ABR: variants seen among roughly 807,000 people sequenced by gnomAD.
The protein encoded by ABR is ABR activator of RhoGEF and GTPase.
A neutral mutation model predicts 107.2 loss-of-function variants in ABR; 35 were observed. The ratio of observed to expected loss-of-function variants is 0.33; its 90% CI spans 0.25 to 0.43. ABR has a LOEUF of 0.43. Ranked by LOEUF, ABR falls within the 20% of genes least tolerant of loss-of-function variation. The probability of loss-of-function intolerance (pLI) is 1.00; values close to 1 mark genes in which losing one functional copy is unlikely to be tolerated. For missense variants in ABR, 815 were observed against 1,115.2 expected (o/e 0.73, Z 3.83); for synonymous variants, 498 against 462.0 (o/e 1.08, Z -1.00).
chr17:1,211,714 A>G (rs1422361568), intron 1 of ABR, among the ~76,000 whole-genome samples: 1 of 152,216 alleles, frequency 6.6e-6, no homozygotes, highest in Non-Finnish European at 1.5e-5. Context: ...CTGACCCCAG[A>G]ACCTGCATCC....
At position 1,092,769 on chromosome 17, in the gene ABR, C is replaced by A. The variant is rs1458340727; in HGVS notation, c.346-919G>T. Among the ~76,000 whole-genome samples the A allele has an allele frequency of 5.3e-5, 8 of 151,470 alleles. No homozygotes were observed. Among genetic ancestry groups the A allele is most frequent in the African/African-American group, 1.9e-4 (8 of 41,266 alleles). ...CCCTGCAGGACACAGGGCCTGATAA[C>A]CTGCCATACAGGGAAGGTGTGGCAG... On this transcript the variant is annotated intron_variant, in intron 3 of 22. Coordinates refer to ENST00000302538, the MANE Select transcript of ABR (RefSeq NM_021962.5). This position sits in a 1 kb window ranked among gnomAD's most constrained non-coding sequence, Gnocchi z 4.6.
chr17:1,011,720 G>T lies in ABR; in HGVS notation c.2101+126C>A. 1.6e-6 allele frequency: 2 copies of T among 1,225,838 alleles called. No individual in the cohort carries two copies. Among genetic ancestry groups the T allele is most frequent in the Non-Finnish European group, 2.2e-6 (2 of 915,662 alleles). The allele number at this position is 1,225,838 out of a possible 1,614,324, so 75.9% of individuals were successfully genotyped here. On this transcript the variant is annotated intron_variant, in intron 19 of 22. Transcript: ENST00000302538. This position sits in a 1 kb window ranked among gnomAD's most constrained non-coding sequence, Gnocchi z 4.8. The stretch of plus-strand genomic sequence containing the variant: ...GATTACAAGAGAAAGCACTTGCCAC[G>T]GGGACTCTGAAGCAGAGCAAGCCTC...
intron 1 of ABR, among the ~76,000 whole-genome samples, chr17:1,137,502 A>G (rs2040122290): frequency 6.6e-6 from 1 of 152,200 alleles, no homozygotes; most frequent in African/African-American, 2.4e-5. Flanking sequence ...GGTGGGCGGA[A>G]CAGCCAGAAC....
At chr17:1,195,131 C>T (rs1598106172) in intron 1 of ABR, among the ~76,000 whole-genome samples, 1 of 144,184 alleles carries the variant, frequency 6.9e-6, no homozygotes, top group South Asian at 2.4e-4. Context: ...CACGGTGAAA[C>T]CCCGTCTCTA....
At chr17:1,045,672 T>C (rs2151001658) in intron 16 of ABR, among the ~76,000 whole-genome samples, 1 of 152,314 alleles carries the variant, frequency 6.6e-6, no homozygotes, top group African/African-American at 2.4e-5. Context: ...GATGGAAGCA[T>C]TTAGCACCGT....
chr17:1,053,615 A>C (rs2032847028), intron 14 of ABR, among the ~76,000 whole-genome samples: 1 of 152,154 alleles, frequency 6.6e-6, no homozygotes, highest in East Asian at 1.9e-4. Context: ...CCACGGCTGA[A>C]GACACAGGGC....
chr17:1,066,238 T>C (rs2034726174), intron 10 of ABR, among the ~76,000 whole-genome samples: 1 of 152,222 alleles, frequency 6.6e-6, no homozygotes, highest in African/African-American at 2.4e-5. Flanking sequence ...ACATGACTTG[T>C]ATGCTATCAA....
intron 1 of ABR, among the ~76,000 whole-genome samples, chr17:1,216,387 C>T (rs372261145): frequency 9.5e-4 from 144 of 152,286 alleles, no homozygotes; most frequent in African/African-American, 2.7e-3. Flanking sequence ...GCCGCAAACC[C>T]AGCTCCGAGT....
intron 1 of ABR, among the ~76,000 whole-genome samples, chr17:1,216,890 CTG>C (rs1457651859): frequency 6.6e-6 from 1 of 152,198 alleles, no homozygotes; most frequent in East Asian, 1.9e-4. Context: ...GGAAGCCACT[CTG>C]TGCCCTCTGA....
At chr17:1,124,654 GTC>G (rs1451284284) in intron 2 of ABR, among the ~76,000 whole-genome samples, 1 of 152,236 alleles carries the variant, frequency 6.6e-6, no homozygotes. Flanking sequence ...CAGAACTCTT[GTC>G]TCTGTCAACA....
chr17:1,132,218 G>A (rs1457322540), intron 1 of ABR, among the ~76,000 whole-genome samples: 1 of 150,004 alleles, frequency 6.7e-6, no homozygotes, highest in African/African-American at 2.4e-5. Context: ...CACACACAAA[G>A]ACACGCACAC....
chr17:1,049,130 T>G (rs1170700931), intron 16 of ABR, among the ~76,000 whole-genome samples: 5 of 152,136 alleles, frequency 3.3e-5, no homozygotes, highest in Non-Finnish European at 7.4e-5. Context: ...CTTTTCCCTA[T>G]ATATGTTTAT....
At chr17:1,193,805 C>G (rs1005530716) in intron 1 of ABR, among the ~76,000 whole-genome samples, 2 of 152,134 alleles carry the variant, frequency 1.3e-5, no homozygotes. Flanking sequence ...ATTCACCTGC[C>G]TCAGCCTCCT....
chr17:1,125,399 A>G, intron 1 of ABR, 32 bp from the exon 2 acceptor site: 1 of 1,608,230 alleles, frequency 6.2e-7, no homozygotes, highest in Non-Finnish European at 8.5e-7. Flanking sequence ...GCCACTGAGA[A>G]TCCTCCACCA....
intron 2 of ABR, among the ~76,000 whole-genome samples, chr17:1,101,764 C>G (rs867506144): frequency 6.7e-6 from 1 of 150,276 alleles, no homozygotes; most frequent in African/African-American, 2.5e-5. Context: ...GACGGAGTCT[C>G]GCTCTGTCGC....
intron 5 of ABR, among the ~76,000 whole-genome samples, chr17:1,082,824 C>T (rs532388314): frequency 5.6e-4 from 85 of 152,266 alleles, no homozygotes; most frequent in African/African-American, 1.9e-3. Flanking sequence ...TGATTCTTAT[C>T]AAGCAAGGTC....
At chr17:1,046,450 T>C (rs2031633573) in intron 16 of ABR, among the ~76,000 whole-genome samples, 1 of 152,194 alleles carries the variant, frequency 6.6e-6, no homozygotes, top group Non-Finnish European at 1.5e-5. Context: ...TTTGTATTTT[T>C]AGTAGGAAAG....
chr17:1,108,981 T>A (rs1304758998), intron 2 of ABR: 1 of 1,597,408 alleles, frequency 6.3e-7, no homozygotes, highest in Admixed American at 1.7e-5. Flanking sequence ...CTGGTCGGGG[T>A]TCCCAGCTCG....
At chr17:1,012,422 A>G in intron 18 of ABR, 1 of 679,498 alleles carries the variant, frequency 1.5e-6, no homozygotes, top group South Asian at 1.5e-5. Context: ...CCCGGCTGAC[A>G]GAGCTTCCCG....
Sources: gnomAD v4.1 joint callset for allele counts (sites outside exome capture counted in the v4.1 genomes callset) on GRCh38, gnomAD v4.1.1 for gene constraint, Gnocchi (gnomAD v3.1) non-coding constraint, MANE v1.5 for transcripts, NCBI Gene and HGNC (gene_info 2026-07-23, HGNC 2026-07-21) for gene names.